ATF6: variants seen among roughly 807,000 people sequenced by gnomAD.
ATF6 encodes activating transcription factor 6, also known as cyclic AMP-dependent transcription factor ATF-6 alpha.
A neutral mutation model predicts 83.6 loss-of-function variants in ATF6; 53 were observed. That is an observed-to-expected ratio of 0.63 (90% CI 0.51 to 0.80). The LOEUF (loss-of-function observed/expected upper bound fraction) is 0.80, where lower values mean the gene tolerates loss of function less well. ATF6 is among the 30% of genes least tolerant of loss of function. The probability of loss-of-function intolerance (pLI) is 0.00; values close to 1 mark genes in which losing one functional copy is unlikely to be tolerated. For missense variants in ATF6, 744 were observed against 797.9 expected (o/e 0.93, Z 0.81); for synonymous variants, 288 against 285.8 (o/e 1.01, Z -0.08).
intron 15 of ATF6, among the ~76,000 whole-genome samples, chr1:161,946,227 T>TTG (rs1324498334): frequency 1.3e-5 from 2 of 152,186 alleles, no homozygotes; most frequent in Non-Finnish European, 2.9e-5. Flanking sequence ...ACTCCTGGGC[T>TTG]CAAGCAGTCT....
At chr1:161,768,866 C>G (rs745968725) in intron 1 of ATF6, among the ~76,000 whole-genome samples, 1 of 151,986 alleles carries the variant, frequency 6.6e-6, no homozygotes, top group Non-Finnish European at 1.5e-5. Context: ...TGTGTCTAGC[C>G]TTGATTTTTT....
chr1:161,906,024 G>A (rs1317363567), intron 14 of ATF6, among the ~76,000 whole-genome samples: 3 of 151,984 alleles, frequency 2.0e-5, no homozygotes, highest in Non-Finnish European at 4.4e-5. Flanking sequence ...TATTAGAGAC[G>A]GGGTTTCACC....
chr1:161,823,323 T>C (rs1571162724), intron 9 of ATF6, among the ~76,000 whole-genome samples: 1 of 152,162 alleles, frequency 6.6e-6, no homozygotes, highest in African/African-American at 2.4e-5. Flanking sequence ...TTTATAGTTT[T>C]GTAAAAATAT....
At chr1:161,799,592 G>A (rs1685097717) in intron 6 of ATF6, among the ~76,000 whole-genome samples, 1 of 152,064 alleles carries the variant, frequency 6.6e-6, no homozygotes, top group South Asian at 2.1e-4. Flanking sequence ...AATAAAAGTT[G>A]GGGGAAAGAA....
chr1:161,950,464 A>G (rs1184609906), intron 15 of ATF6, among the ~76,000 whole-genome samples: 1 of 152,178 alleles, frequency 6.6e-6, no homozygotes, highest in Admixed American at 6.5e-5. Context: ...TAGTTATTTC[A>G]TGGTTACTGG....
chr1:161,936,958 T>C (rs1332306628), intron 15 of ATF6, among the ~76,000 whole-genome samples: 1 of 152,088 alleles, frequency 6.6e-6, no homozygotes, highest in Non-Finnish European at 1.5e-5. Context: ...CCATTTTGTT[T>C]CCTCCCACAT....
At chr1:161,844,697 A>G (rs1476713606) in intron 9 of ATF6, among the ~76,000 whole-genome samples, 1 of 152,200 alleles carries the variant, frequency 6.6e-6, no homozygotes, top group African/African-American at 2.4e-5. Flanking sequence ...TTTTGGCACC[A>G]TGCTTGAAAG....
intron 14 of ATF6, among the ~76,000 whole-genome samples, chr1:161,910,001 G>A (rs1050509268): frequency 3.3e-5 from 5 of 152,122 alleles, no homozygotes; most frequent in African/African-American, 1.2e-4. Flanking sequence ...TTTATTGAGT[G>A]ATTACAGCTC....
intron 2 of ATF6, among the ~76,000 whole-genome samples, chr1:161,780,694 GT>G (rs565891283): frequency 2.0e-4 from 31 of 151,616 alleles, no homozygotes; most frequent in African/African-American, 7.5e-4. Flanking sequence ...TATTGTTGCT[GT>G]TTTTGTTGTT....
intron 7 of ATF6, among the ~76,000 whole-genome samples, chr1:161,807,863 ATCTT>A (rs1685333851): frequency 1.5e-4 from 8 of 54,798 alleles, no homozygotes; most frequent in African/African-American, 5.7e-4. Context: ...TTAGTTTGTC[ATCTT>A]TTTTTTTTTT....
intron 10 of ATF6, among the ~76,000 whole-genome samples, chr1:161,848,990 A>C (rs1686548765): frequency 6.6e-6 from 1 of 151,908 alleles, no homozygotes; most frequent in Non-Finnish European, 1.5e-5. Flanking sequence ...CAGTTAGCAC[A>C]GATGTGCAGA....
At chr1:161,768,659 G>A (rs1684321138) in intron 1 of ATF6, among the ~76,000 whole-genome samples, 1 of 152,068 alleles carries the variant, frequency 6.6e-6, no homozygotes, top group African/African-American at 2.4e-5. Flanking sequence ...GAACTCCTGG[G>A]CTCAAGTGAT....
At chr1:161,957,805 C>T (rs756664373) in intron 15 of ATF6, among the ~76,000 whole-genome samples, 1 of 152,138 alleles carries the variant, frequency 6.6e-6, no homozygotes, top group Non-Finnish European at 1.5e-5. Context: ...AAATAAAGAT[C>T]GCCTCAATAT....
Position 161,821,134 on chromosome 1 carries a change from T to G in ATF6, c.1160T>G (p.Phe387Cys), listed in dbSNP as rs1192739357. Residue 387 changes from phenylalanine to cysteine, a missense_variant, in exon 9 of 16, where the codon TTT (phenylalanine) becomes TGT (cysteine). Physicochemically the swap from Phe to Cys is radical, Grantham distance 205. Coordinates refer to ENST00000367942, the MANE Select transcript of ATF6 (RefSeq NM_007348.4). ...RVVCVMIVLA[F>C]IILNYGPMSM... is the part of the protein sequence containing the mutation. ...GTCTGTGTGATGATAGTATTGGCAT[T>G]TATAATACTGAACTATGGACCTATG... 1 of 1,612,490 alleles carries G rather than the reference T, an allele frequency of 6.2e-7. No individual in the cohort carries two copies. The highest frequency in any genetic ancestry group is 8.5e-7 in the Non-Finnish European group (1 of 1,179,014).
intron 15 of ATF6, among the ~76,000 whole-genome samples, chr1:161,941,206 G>A (rs1688636219): frequency 6.6e-6 from 1 of 152,176 alleles, no homozygotes; most frequent in Non-Finnish European, 1.5e-5. Flanking sequence ...ATATATTAAA[G>A]TGGGTATTTT....
Position 161,821,136 on chromosome 1 carries a change from A to C in ATF6, c.1162A>C (p.Ile388Leu), listed in dbSNP as rs769666743. The C allele has an allele frequency of 2.5e-6, 4 of 1,611,920 alleles. No homozygotes were observed. In the East Asian group the frequency reaches 8.9e-5, roughly 36 times the overall value. ...VVCVMIVLAF[I>L]ILNYGPMSML... The stretch of plus-strand genomic sequence containing the variant: ...CTGTGTGATGATAGTATTGGCATTT[A>C]TAATACTGAACTATGGACCTATGAG... The change falls in exon 9 of 16, where the codon ATA (isoleucine) becomes CTA (leucine). Residue 388 changes from isoleucine (I) to leucine (L), a missense_variant. Physicochemically the swap from Ile to Leu is conservative, Grantham distance 5 (BLOSUM62 2). Transcript: ENST00000367942.
chr1:161,786,685 C>T (rs747001177), intron 4 of ATF6, among the ~76,000 whole-genome samples: 18 of 152,106 alleles, frequency 1.2e-4, no homozygotes, highest in Non-Finnish European at 2.1e-4. Context: ...AGTTACCAGT[C>T]CGATGCCCCT....
rs1291485445 is a variant in ATF6, at chr1:161,880,089, C to T, written c.1719+16777C>T. On this transcript the variant is annotated intron_variant, in intron 14 of 15. Coordinates refer to ENST00000367942, the MANE Select transcript of ATF6 (RefSeq NM_007348.4). ...AATTGTCTTTATACAAAAATAAAAT[C>T]CTTGTGTTCAGATTTCTGTCTTGAG... Among the ~76,000 whole-genome samples the T allele has an allele frequency of 2.0e-5, 3 of 152,098 alleles. No individual in the cohort carries two copies. The East Asian group carries it at 5.8e-4, about 29-fold the overall frequency.
chr1:161,885,256 T>C (rs1228015523), intron 14 of ATF6, among the ~76,000 whole-genome samples: 1 of 152,180 alleles, frequency 6.6e-6, no homozygotes, highest in Non-Finnish European at 1.5e-5. Flanking sequence ...TAAGAAGCTA[T>C]AAATAAACAG....
Sources: allele counts gnomAD v4.1 joint callset (sites outside exome capture counted in the v4.1 genomes callset), GRCh38; gene constraint gnomAD v4.1.1; transcripts MANE v1.5; gene names NCBI Gene and HGNC (gene_info 2026-07-23, HGNC 2026-07-21).